Variants in C16orf92 observed in about 807,000 individuals in gnomAD.
The protein encoded by C16orf92 is fertilization-influencing membrane protein.
A neutral mutation model predicts 13.7 loss-of-function variants in C16orf92; 14 were observed. That is an observed-to-expected ratio of 1.02 (90% CI 0.67 to 1.60). The LOEUF (loss-of-function observed/expected upper bound fraction) is 1.60. Ranked by LOEUF, C16orf92 falls within the 40% of genes most tolerant of loss-of-function variation. The probability of loss-of-function intolerance (pLI) is 0.00; values close to 1 mark genes in which losing one functional copy is unlikely to be tolerated. For synonymous variants in C16orf92, 50 were observed against 57.4 expected (o/e 0.87, Z 0.58); for missense variants, 116 against 139.0 (o/e 0.83, Z 0.83).
downstream of C16orf92, chr16:30,026,819 C>A (rs748443806): frequency 2.5e-6 from 4 of 1,613,986 alleles, no homozygotes; most frequent in Non-Finnish European, 3.4e-6. Flanking sequence ...CAGCAAATTG[C>A]GTGTAGGCAG....
downstream of C16orf92, among the ~76,000 whole-genome samples, chr16:30,026,272 A>G (rs2071128942): frequency 2.0e-5 from 3 of 152,062 alleles, no homozygotes; most frequent in South Asian, 6.2e-4. Flanking sequence ...TGGGTGCAGG[A>G]GCAGGTGCAT....
Position 30,023,361 on chromosome 16 carries a change from GC to G in C16orf92, c.22del (p.Leu8TrpfsTer9). MRLWPWV[L>X]VWVWLAALGA... is the part of the protein sequence containing the mutation. Reference sequence around the variant, plus strand: ...GAGTCATGAGGCTGTGGCCATGGGTGCTGGTGTGGGTGTGGCTGGCTGCACT... The same window carrying G: ...GAGTCATGAGGCTGTGGCCATGGGTGTGGTGTGGGTGTGGCTGGCTGCACT... On this transcript the variant is annotated frameshift_variant, in exon 1 of 4. Transcript: ENST00000681219. LOFTEE classifies it high-confidence loss of function. 1 of 1,609,142 alleles carries G rather than the reference GC, an allele frequency of 6.2e-7. No individual in the cohort carries two copies. The highest frequency in any genetic ancestry group is 8.5e-7 in the Non-Finnish European group (1 of 1,178,118).
downstream of C16orf92, chr16:30,026,839 A>G: frequency 6.2e-7 from 1 of 1,613,802 alleles, no homozygotes; most frequent in Non-Finnish European, 8.5e-7. Flanking sequence ...GAGGACAGCC[A>G]GTGTCTGTTG....
downstream of C16orf92, chr16:30,025,598 G>A (rs780474875): frequency 3.8e-4 from 568 of 1,485,004 alleles, no homozygotes; most frequent in Non-Finnish European, 5.0e-4. This position sits in a 1 kb window ranked among gnomAD's most constrained non-coding sequence, Gnocchi z 4.1. Context: ...ACAAGCACCA[G>A]GTGCTCAAAA....
At chr16:30,025,333 G>A (rs2071069018), downstream of C16orf92, 6 of 1,579,334 alleles carry the variant, frequency 3.8e-6, no homozygotes, top group South Asian at 1.1e-5. This position sits in a 1 kb window ranked among gnomAD's most constrained non-coding sequence, Gnocchi z 4.1. Flanking sequence ...CCAGGGGCAC[G>A]GCCAGCAGGG....
At chr16:30,025,865 G>A, downstream of C16orf92, 3 of 1,520,382 alleles carry the variant, frequency 2.0e-6, no homozygotes, top group Non-Finnish European at 2.7e-6. The surrounding 1 kb of genome is among the most constrained non-coding windows in gnomAD (Gnocchi z 4.1). Flanking sequence ...GCTCTCCCTG[G>A]GTTCTTGGGC....
At chr16:30,026,904 T>C (rs1056993328), downstream of C16orf92, 12 of 1,424,546 alleles carry the variant, frequency 8.4e-6, no homozygotes, top group African/African-American at 1.4e-5. Context: ...GTGATTGGGG[T>C]CAGATCTCAG....
chr16:30,023,417 C>T lies in C16orf92; in HGVS notation c.64+13C>T. 6.2e-7 allele frequency: 1 copy of T among 1,610,542 alleles called. No homozygotes were observed. Among genetic ancestry groups the T allele is most frequent in the Non-Finnish European group, 8.5e-7 (1 of 1,178,618 alleles). ...GCCATAGAAACTGGTAAGAAGCTGT[C>T]TTGGGAGCAGCAGGAAGGCAGGCAG... On this transcript the variant is annotated intron_variant, in intron 1 of 3. Coordinates refer to ENST00000681219, the MANE Select transcript of C16orf92 (RefSeq NM_001109659.2).
At chr16:30,025,512 G>C (rs764552468), downstream of C16orf92, 1 of 1,601,954 alleles carries the variant, frequency 6.2e-7, no homozygotes, top group Non-Finnish European at 8.5e-7. The surrounding 1 kb of genome is among the most constrained non-coding windows in gnomAD (Gnocchi z 4.1). Flanking sequence ...GAAGGGCTCG[G>C]CCCCCCTTGG....
At chr16:30,026,074 A>G (rs546208757), downstream of C16orf92, among the ~76,000 whole-genome samples, 6 of 152,196 alleles carry the variant, frequency 3.9e-5, no homozygotes, top group Admixed American at 6.5e-5. Flanking sequence ...TGTACTAAAA[A>G]TACCAAAAAA....
At chr16:30,024,160 G>A in intron 3 of C16orf92, 46 bp from the exon 4 acceptor site, 1 of 1,612,742 alleles carries the variant, frequency 6.2e-7, no homozygotes, top group African/African-American at 1.3e-5. Flanking sequence ...CCCAGTTCTA[G>A]CGGGGCAGGC....
rs1239455639 is a variant in C16orf92 at position 30,024,620 on chromosome 16, T to G, written c.*393T>G. ...CCGGGGTTGTCAGCACTGGGAAGGC[T>G]TGGGGGTAGCAGCCACCTCCTTCCC... On this transcript the variant is annotated 3_prime_UTR_variant, in exon 4 of 4. Transcript: ENST00000681219. 1 of 257,638 alleles carries G rather than the reference T, an allele frequency of 3.9e-6. No homozygotes were observed. Among genetic ancestry groups the G allele is most frequent in the Non-Finnish European group, 7.4e-6 (1 of 135,492 alleles). 16.0% of individuals were successfully genotyped at this position (257,638 alleles called of 1,614,324 possible). A position where few individuals can be genotyped will look rare whatever the true frequency, so the allele number is the denominator to read the frequency against.
At chr16:30,026,838 C>A (rs1175970716), downstream of C16orf92, 1 of 1,613,780 alleles carries the variant, frequency 6.2e-7, no homozygotes, top group Admixed American at 1.7e-5. Context: ...AGAGGACAGC[C>A]AGTGTCTGTT....
chr16:30,024,097 C>T lies in C16orf92; in HGVS notation c.311+11C>T, dbSNP rs1283473210. On this transcript the variant is annotated intron_variant, in intron 3 of 3. Transcript: ENST00000681219. Reference sequence around the variant, plus strand: ...GTTCTGCACCCACATGTAAGGCCTGCCCCCTTTCTCCAACCCCACCCACCA... The same window carrying T: ...GTTCTGCACCCACATGTAAGGCCTGTCCCCTTTCTCCAACCCCACCCACCA... The T allele has an allele frequency of 1.9e-6, 3 of 1,610,774 alleles. No homozygotes were observed. The highest frequency in any genetic ancestry group is 2.5e-6 in the Non-Finnish European group (3 of 1,177,008).
chr16:30,027,413 G>A (rs994505898), downstream of C16orf92, among the ~76,000 whole-genome samples: 2 of 152,210 alleles, frequency 1.3e-5, no homozygotes, highest in Non-Finnish European at 2.9e-5. Flanking sequence ...TCACAGAGGG[G>A]CTAGGTAACC....
Position 30,024,525 on chromosome 16 carries a change from C to G in C16orf92, c.*298C>G. On this transcript the variant is annotated 3_prime_UTR_variant, in exon 4 of 4. Coordinates refer to ENST00000681219, the MANE Select transcript of C16orf92 (RefSeq NM_001109659.2). ...GGAAGCCTTGAGAGGTCAGTAGCAC[C>G]AGGGACATGGCAGGGCCCGAGGGCG... The G allele has an allele frequency of 2.1e-6, 1 of 484,380 alleles. No individual in the cohort carries two copies. Among genetic ancestry groups the G allele is most frequent in the Non-Finnish European group, 3.7e-6 (1 of 271,500 alleles). 30.0% of individuals were successfully genotyped at this position (484,380 alleles called of 1,614,324 possible).
chr16:30,027,095 G>A (rs965188512), downstream of C16orf92: 22 of 609,424 alleles, frequency 3.6e-5, no homozygotes, highest in East Asian at 2.5e-4. Flanking sequence ...CAGTATAGTC[G>A]GGGGAAAAGA....
chr16:30,024,623 G>A lies in C16orf92; in HGVS notation c.*396G>A, dbSNP rs2071013766. On this transcript the variant is annotated 3_prime_UTR_variant, in exon 4 of 4. Coordinates refer to ENST00000681219, the MANE Select transcript of C16orf92 (RefSeq NM_001109659.2). The stretch of plus-strand genomic sequence containing the variant: ...GGGTTGTCAGCACTGGGAAGGCTTG[G>A]GGGTAGCAGCCACCTCCTTCCCCCA... 7.9e-6 allele frequency: 2 copies of A among 253,776 alleles called. No individual in the cohort carries two copies. The highest frequency in any genetic ancestry group is 1.5e-5 in the Non-Finnish European group (2 of 133,134). The allele number at this position is 253,776 out of a possible 1,614,324, so 15.7% of individuals were successfully genotyped here.
chr16:30,023,757 C>A lies in C16orf92; in HGVS notation c.95C>A (p.Ala32Asp), dbSNP rs2070958600. The change falls in exon 2 of 4, where the codon GCC (alanine) becomes GAC (aspartate). Residue 32 changes from alanine (A) to aspartate (D), a missense_variant. Ala to Asp is a moderately radical substitution (Grantham distance 126, BLOSUM62 -2). Coordinates refer to ENST00000681219, the MANE Select transcript of C16orf92 (RefSeq NM_001109659.2). ...AGACCCAAGCGTGCCACGGCGTCAGCCCTGGGGACAGAGTCTCCGCGCTTC... is the reference window on the plus strand; with the variant it reads ...AGACCCAAGCGTGCCACGGCGTCAGACCTGGGGACAGAGTCTCCGCGCTTC... ...APRPKRATAS[A>D]LGTESPRFLD... The A allele has an allele frequency of 6.2e-7, 1 of 1,613,956 alleles. No individual in the cohort carries two copies. Among genetic ancestry groups the A allele is most frequent in the Admixed American group, 1.7e-5 (1 of 60,004 alleles).
Sources: allele counts gnomAD v4.1 joint callset (sites outside exome capture counted in the v4.1 genomes callset), GRCh38; gene constraint gnomAD v4.1.1; non-coding constraint Gnocchi (gnomAD v3.1); transcripts MANE v1.5; gene names NCBI Gene and HGNC (gene_info 2026-07-23, HGNC 2026-07-21).